The following SUGCT variants were observed in gnomAD, a reference collection of about 807,000 sequenced individuals.
The protein encoded by SUGCT is succinyl-CoA:glutarate CoA-transferase.
SUGCT carries 41 observed loss-of-function variants against 55.0 expected under a neutral mutation model. The observed-to-expected ratio is 0.74, with a 90% CI of 0.58 to 0.97. The LOEUF (loss-of-function observed/expected upper bound fraction) is 0.97. Ranked by LOEUF, SUGCT falls within the 50% of genes least tolerant of loss-of-function variation. The probability of loss-of-function intolerance (pLI) is 0.00; values close to 1 mark genes in which losing one functional copy is unlikely to be tolerated. For synonymous variants in SUGCT, 187 were observed against 200.4 expected, an observed-to-expected ratio of 0.93 and a Z score of 0.56; for missense variants, 568 against 547.8, an observed-to-expected ratio of 1.04 and a Z score of -0.37.
chr7:40,826,753 G>T (rs1269953921), intron 13 of SUGCT, among the ~76,000 whole-genome samples: 3 of 152,182 alleles, frequency 2.0e-5, no homozygotes, highest in Non-Finnish European at 4.4e-5. Context: ...CAGGTTTCTA[G>T]AGAGTTTGAC....
the SUGCT span, among the ~76,000 whole-genome samples, chr7:40,981,702 C>T: frequency 6.6e-6 from 1 of 152,204 alleles, no homozygotes; most frequent in African/African-American, 2.4e-5. Context: ...TTTCATGGCT[C>T]ACAAGTTCCA....
chr7:40,147,821 A>G (rs1788342643), intron 1 of SUGCT, among the ~76,000 whole-genome samples: 1 of 152,226 alleles, frequency 6.6e-6, no homozygotes, highest in South Asian at 2.1e-4. Context: ...AGACCCCCCA[A>G]ATTGTTATAA....
chr7:40,933,085 C>T, the SUGCT span, among the ~76,000 whole-genome samples: 3 of 152,028 alleles, frequency 2.0e-5, no homozygotes, highest in African/African-American at 7.2e-5. Context: ...TTTTCCTTTC[C>T]ATGTTTAGTG....
At position 40,402,649 on chromosome 7, in the gene SUGCT, C is replaced by T. The variant is rs188312413; in HGVS notation, c.817-46638C>T. On this transcript the variant is annotated intron_variant, in intron 9 of 13. Transcript: ENST00000335693. ...ATACATCTAGGTTTTCTCTTTTTGGCTTAAATGTGTTGGAATGGGAATCCA... is the reference window on the plus strand; with the variant it reads ...ATACATCTAGGTTTTCTCTTTTTGGTTTAAATGTGTTGGAATGGGAATCCA... Among the ~76,000 whole-genome samples the T allele has an allele frequency of 5.0e-4, 76 of 151,480 alleles. No homozygotes were observed. The Middle Eastern group carries it at 0.01, about 20-fold the overall frequency.
chr7:40,801,784 A>C (rs1790828319), intron 13 of SUGCT, among the ~76,000 whole-genome samples: 1 of 152,064 alleles, frequency 6.6e-6, no homozygotes. Flanking sequence ...AACAACCCTA[A>C]AGATGTTTAT....
At chr7:40,493,285 G>C (rs1313334110) in intron 11 of SUGCT, among the ~76,000 whole-genome samples, 4 of 152,158 alleles carry the variant, frequency 2.6e-5, no homozygotes, top group African/African-American at 4.8e-5. Flanking sequence ...TAGTGTGGTT[G>C]TGAAGATAAA....
At chr7:40,460,604 G>T (rs528973467) in intron 11 of SUGCT, among the ~76,000 whole-genome samples, 2 of 152,254 alleles carry the variant, frequency 1.3e-5, no homozygotes, top group Admixed American at 1.3e-4. Flanking sequence ...ACCATACTGC[G>T]AGAAGAACAG....
At chr7:40,854,492 T>C (rs545699819) in intron 13 of SUGCT, among the ~76,000 whole-genome samples, 1 of 141,210 alleles carries the variant, frequency 7.1e-6, no homozygotes, top group Non-Finnish European at 1.6e-5. Context: ...CTCTCTTTCT[T>C]TCTTTCTTTC....
At chr7:40,293,507 A>C (rs1793921159) in intron 8 of SUGCT, among the ~76,000 whole-genome samples, 1 of 152,208 alleles carries the variant, frequency 6.6e-6, no homozygotes, top group South Asian at 2.1e-4. Flanking sequence ...TGTCCCACAG[A>C]ATAATTCATG....
chr7:40,506,882 G>T (rs555334936), intron 12 of SUGCT, among the ~76,000 whole-genome samples: 2 of 152,018 alleles, frequency 1.3e-5, no homozygotes. Context: ...TATTTGGTTC[G>T]TTTTAATAAC....
chr7:40,823,262 A>T (rs1792120405), intron 13 of SUGCT, among the ~76,000 whole-genome samples: 1 of 152,186 alleles, frequency 6.6e-6, no homozygotes, highest in Admixed American at 6.5e-5. Flanking sequence ...AACCTTTGTT[A>T]AAAGGTCACT....
At chr7:40,306,316 T>C (rs1319095940) in intron 8 of SUGCT, among the ~76,000 whole-genome samples, 1 of 152,234 alleles carries the variant, frequency 6.6e-6, no homozygotes, top group Admixed American at 6.5e-5. Flanking sequence ...AAATTCTCTT[T>C]ATCAAAAAAT....
At position 40,439,859 on chromosome 7, in the gene SUGCT, A is replaced by T. The variant is rs534445269; in HGVS notation, c.817-9428A>T. Among the ~76,000 whole-genome samples the T allele has an allele frequency of 2.6e-5, 4 of 152,204 alleles. No individual in the cohort carries two copies. In the East Asian group the frequency reaches 7.8e-4, roughly 29 times the overall value. On this transcript the variant is annotated intron_variant, in intron 9 of 13. Transcript: ENST00000335693. The stretch of plus-strand genomic sequence containing the variant: ...TGCTTGCTCCCTTTCCTTAACAGTT[A>T]TGGAGTCCGTGATTCATGTCAAACT...
intron 9 of SUGCT, among the ~76,000 whole-genome samples, chr7:40,441,690 G>C (rs1457723019): frequency 6.6e-6 from 1 of 152,194 alleles, no homozygotes; most frequent in Non-Finnish European, 1.5e-5. Context: ...AAACAGCAGT[G>C]TTACAGTAGA....
chr7:40,731,268 A>G (rs1004371675), intron 12 of SUGCT, among the ~76,000 whole-genome samples: 7 of 152,208 alleles, frequency 4.6e-5, no homozygotes, highest in Non-Finnish European at 8.8e-5. Context: ...TCCAGTTTTT[A>G]AAAGTGCAGA....
At chr7:40,497,870 A>T (rs1424814482) in intron 12 of SUGCT, among the ~76,000 whole-genome samples, 1 of 151,752 alleles carries the variant, frequency 6.6e-6, no homozygotes, top group Non-Finnish European at 1.5e-5. Flanking sequence ...TATTATTTAA[A>T]AATATATTAA....
chr7:40,720,104 G>A (rs1786245642), intron 12 of SUGCT, among the ~76,000 whole-genome samples: 1 of 152,126 alleles, frequency 6.6e-6, no homozygotes, highest in African/African-American at 2.4e-5. Context: ...ATGCAATTCT[G>A]GTACAAGTCA....
At chr7:40,494,492 T>G (rs1583827564) in intron 11 of SUGCT, among the ~76,000 whole-genome samples, 2 of 152,320 alleles carry the variant, frequency 1.3e-5, no homozygotes, top group South Asian at 4.1e-4. Flanking sequence ...TATGAAAGAT[T>G]TTTTAAAACT....
chr7:40,397,924 T>C (rs1353307546), intron 9 of SUGCT, among the ~76,000 whole-genome samples: 1 of 152,118 alleles, frequency 6.6e-6, no homozygotes, highest in African/African-American at 2.4e-5. Context: ...CAAATATCTG[T>C]CTCTCCTCAA....
Sources: gnomAD v4.1 joint callset for allele counts (sites outside exome capture counted in the v4.1 genomes callset) on GRCh38, gnomAD v4.1.1 for gene constraint, MANE v1.5 for transcripts, NCBI Gene and HGNC (gene_info 2026-07-23, HGNC 2026-07-21) for gene names.